Variants in D2HGDH observed in about 807,000 individuals in gnomAD.
D2HGDH encodes the protein D-2-hydroxyglutarate dehydrogenase, also known as D-2-hydroxyglutarate dehydrogenase, mitochondrial.
D2HGDH carries 31 observed loss-of-function variants against 46.9 expected under a neutral mutation model. The ratio of observed to expected loss-of-function variants is 0.66; its 90% CI spans 0.50 to 0.89. The LOEUF is 0.89. Among genes scored for constraint, D2HGDH ranks in the 40% least tolerant of loss-of-function variants. D2HGDH has a pLI of 0.00. For missense variants in D2HGDH, 698 were observed against 720.8 expected (o/e 0.97, Z 0.36); for synonymous variants, 364 against 332.6 (o/e 1.09, Z -1.03).
At position 241,742,682 on chromosome 2, in the gene D2HGDH, G is replaced by A; in HGVS notation, c.490+108G>A. 7.0e-7 allele frequency: 1 copy of A among 1,429,592 alleles called. No homozygotes were observed. The highest frequency in any genetic ancestry group is 9.8e-7 in the Non-Finnish European group (1 of 1,017,800). 88.6% of individuals were successfully genotyped at this position (1,429,592 alleles called of 1,614,324 possible). ...GGTGCTTGGGTGGGTGAATGAGTTA[G>A]GGCCGGCGCTGGGGAAAGAACCAGC... On this transcript the variant is annotated intron_variant, in intron 4 of 9. Coordinates refer to ENST00000321264, the MANE Select transcript of D2HGDH (RefSeq NM_152783.5). The surrounding 1 kb of genome is among the most constrained non-coding windows in gnomAD (Gnocchi z 4.8).
chr2:241,742,485 G>A lies in D2HGDH; in HGVS notation c.401G>A (p.Gly134Asp). Residue 134 changes from glycine to aspartate, a missense_variant, in exon 4 of 10, where the codon GGC (glycine) becomes GAC (aspartate). By Grantham distance (94) the Gly-to-Asp change is moderately conservative (BLOSUM62 -1). Transcript: ENST00000321264. This position sits in a 1 kb window ranked among gnomAD's most constrained non-coding sequence, Gnocchi z 4.8. ...LAVNPQGGNT[G>D]MVGGSVPVFD... ...GTGAACCCACAGGGGGGCAACACAG[G>A]CATGGTGGGTGGCAGCGTCCCCGTC... The A allele has an allele frequency of 2.5e-6, 4 of 1,614,028 alleles. No individual in the cohort carries two copies. The highest frequency in any genetic ancestry group is 3.4e-6 in the Non-Finnish European group (4 of 1,179,984).
Position 241,755,995 on chromosome 2 carries a change from G to T in D2HGDH, c.1287G>T (p.Val429=). ...RARLGPHAKH[V]VGYGHLGDGN... Reference sequence around the variant, plus strand: ...GCCTCGGCCCGCACGCCAAGCACGTGGTGGGCTATGGCCACCTTGGTGAGC... The same window carrying T: ...GCCTCGGCCCGCACGCCAAGCACGTTGTGGGCTATGGCCACCTTGGTGAGC... Residue 429 remains valine (V), a synonymous_variant, in exon 9 of 10, where the codon GTG becomes GTT. Coordinates refer to ENST00000321264, the MANE Select transcript of D2HGDH (RefSeq NM_152783.5). The T allele has an allele frequency of 6.2e-7, 1 of 1,601,708 alleles. No homozygotes were observed. Among genetic ancestry groups the T allele is most frequent in the Non-Finnish European group, 8.5e-7 (1 of 1,171,194 alleles).
At chr2:241,754,345 C>T (rs925103753) in intron 8 of D2HGDH, among the ~76,000 whole-genome samples, 1 of 152,124 alleles carries the variant, frequency 6.6e-6, no homozygotes, top group Middle Eastern at 3.2e-3. Flanking sequence ...CGAACTAGCT[C>T]TAGAAGTTTG....
Position 241,743,682 on chromosome 2 carries a change from G to A in D2HGDH, c.551G>A (p.Arg184Gln), listed in dbSNP as rs927869057. The A allele has an allele frequency of 1.5e-5, 25 of 1,613,918 alleles. No homozygotes were observed. The highest frequency in any genetic ancestry group is 1.9e-5 in the Non-Finnish European group (23 of 1,180,016). ...GAGCTGAGCCGGTATGTGGAGGAAC[G>A]GGACTTCATCATGCCGCTGGACTTA... ...LEELSRYVEE[R>Q]DFIMPLDLGA... The change falls in exon 5 of 10, where the codon CGG becomes CAG. Residue 184 changes from arginine to glutamine, a missense_variant. By Grantham distance (43) the Arg-to-Gln change is conservative (BLOSUM62 1). Transcript: ENST00000321264. The surrounding 1 kb of genome is among the most constrained non-coding windows in gnomAD (Gnocchi z 4.8).
chr2:241,748,090 C>G (rs1696347865), intron 6 of D2HGDH, among the ~76,000 whole-genome samples: 1 of 151,748 alleles, frequency 6.6e-6, no homozygotes, highest in African/African-American at 2.4e-5. Flanking sequence ...CCAGGTCAGG[C>G]TCTTCCCTCG....
intron 8 of D2HGDH, among the ~76,000 whole-genome samples, chr2:241,753,860 C>T (rs1313915845): frequency 6.6e-5 from 10 of 152,230 alleles, no homozygotes; most frequent in South Asian, 4.1e-4. Flanking sequence ...CATAAACTCA[C>T]GCAGCAGAAG....
At chr2:241,740,981 C>T (rs962800328) in intron 2 of D2HGDH, 52 bp from the exon 3 acceptor site, 3 of 1,497,742 alleles carry the variant, frequency 2.0e-6, no homozygotes, top group Non-Finnish European at 2.8e-6. Context: ...GACCACTTGC[C>T]TCATCTGCAG....
chr2:241,763,400 C>T (rs528872415), intron 9 of D2HGDH, among the ~76,000 whole-genome samples: 82 of 152,150 alleles, frequency 5.4e-4, no homozygotes, highest in African/African-American at 1.7e-3. Context: ...GAAAAGGGAC[C>T]GTAAAAGTAT....
intron 8 of D2HGDH, among the ~76,000 whole-genome samples, chr2:241,753,112 G>A (rs1352385649): frequency 1.3e-5 from 2 of 152,210 alleles, no homozygotes; most frequent in African/African-American, 2.4e-5. Flanking sequence ...ACCTCCAGAC[G>A]CTTCCTGGGA....
intron 8 of D2HGDH, 48 bp from the exon 9 acceptor site, chr2:241,755,801 G>A: frequency 6.2e-7 from 1 of 1,610,756 alleles, no homozygotes; most frequent in Non-Finnish European, 8.5e-7. Flanking sequence ...CTGTCCCCGG[G>A]TGTCGTTCCC....
chr2:241,748,520 C>A (rs1417650915), intron 6 of D2HGDH, among the ~76,000 whole-genome samples: 1 of 152,192 alleles, frequency 6.6e-6, no homozygotes, highest in Non-Finnish European at 1.5e-5. Flanking sequence ...GGTGGAGGCC[C>A]CTTCTCCTGG....
chr2:241,748,844 C>G (rs1482733063), intron 6 of D2HGDH: 12 of 1,270,354 alleles, frequency 9.4e-6, no homozygotes, highest in African/African-American at 1.6e-5. Context: ...GTGTTCTGCT[C>G]TGATCCCACT....
chr2:241,768,271 C>T lies in D2HGDH; in HGVS notation c.*302C>T, dbSNP rs184270343. ...GTGGAAGCGGGGTGGGTCTCACTTG[C>T]GTGGTGGCCCCTGGCCCCATCTTGC... On this transcript the variant is annotated 3_prime_UTR_variant, in exon 10 of 10. Transcript: ENST00000321264. 4.4e-5 allele frequency: 19 copies of T among 431,202 alleles called. No individual in the cohort carries two copies. The highest frequency in any genetic ancestry group is 4.0e-4 in the East Asian group (10 of 24,768). 26.7% of individuals were successfully genotyped at this position (431,202 alleles called of 1,614,324 possible). A position where few individuals can be genotyped will look rare whatever the true frequency, so the allele number is the denominator to read the frequency against.
intron 9 of D2HGDH, among the ~76,000 whole-genome samples, chr2:241,758,923 G>A (rs1242475462): frequency 6.6e-6 from 1 of 152,054 alleles, no homozygotes; most frequent in Non-Finnish European, 1.5e-5. Context: ...ACAGGCGTGA[G>A]GTACTGTGCC....
In D2HGDH at chr2:241,735,386, G is replaced by C. The variant is rs775171185; in HGVS notation, c.162G>C (p.Val54=). The change falls in exon 2 of 10, where the codon GTG becomes GTC. Residue 54 remains valine (V), a synonymous_variant. Coordinates refer to ENST00000321264, the MANE Select transcript of D2HGDH (RefSeq NM_152783.5). Reference sequence around the variant, plus strand: ...CGCTGACCCGGGAGCGCTACCCCGTGCGGCGCTTGCCGTTCTCCACGGTGT... The same window carrying C: ...CGCTGACCCGGGAGCGCTACCCCGTCCGGCGCTTGCCGTTCTCCACGGTGT... The part of the protein sequence containing the change: ...EVPLTRERYP[V]RRLPFSTVSK... The C allele has an allele frequency of 2.5e-6, 4 of 1,589,908 alleles. No homozygotes were observed. Among genetic ancestry groups the C allele is most frequent in the Admixed American group, 1.8e-5 (1 of 55,000 alleles).
At chr2:241,739,224 A>T (rs563858443) in intron 2 of D2HGDH, among the ~76,000 whole-genome samples, 2 of 152,114 alleles carry the variant, frequency 1.3e-5, no homozygotes, top group Admixed American at 1.3e-4. Flanking sequence ...TTCTGTGCTC[A>T]TTCTGTGTCT....
chr2:241,747,938 C>A (rs1696308519), intron 6 of D2HGDH, among the ~76,000 whole-genome samples: 1 of 152,190 alleles, frequency 6.6e-6, no homozygotes, highest in Non-Finnish European at 1.5e-5. Flanking sequence ...GACAGGCTTG[C>A]TTCTGGCCCT....
intron 2 of D2HGDH, among the ~76,000 whole-genome samples, chr2:241,738,357 C>T (rs1389419665): frequency 6.6e-6 from 1 of 152,228 alleles, no homozygotes; most frequent in Non-Finnish European, 1.5e-5. Context: ...GGCAGATGAC[C>T]CTCAGTGCCT....
chr2:241,751,172 C>A lies in D2HGDH; in HGVS notation c.998-74C>A, dbSNP rs963633474. The A allele has an allele frequency of 1.5e-5, 24 of 1,604,736 alleles. No homozygotes were observed. The South Asian group carries it at 2.7e-4, about 18-fold the overall frequency. On this transcript the variant is annotated intron_variant, in intron 7 of 9. Transcript: ENST00000321264. ...ATCAGTGGTTGCTATTACAGCTGTT[C>A]TGCCCGAGCAGCCCTGATTCTTGCC...
Sources: allele counts gnomAD v4.1 joint callset (sites outside exome capture counted in the v4.1 genomes callset), GRCh38; gene constraint gnomAD v4.1.1; non-coding constraint Gnocchi (gnomAD v3.1); transcripts MANE v1.5; gene names NCBI Gene and HGNC (gene_info 2026-07-23, HGNC 2026-07-21).